PARD3: variants seen among roughly 807,000 people sequenced by gnomAD.
The protein encoded by PARD3 is par-3 family cell polarity regulator, also known as partitioning defective 3 homolog.
PARD3 carries 75 observed loss-of-function variants against 155.4 expected under a neutral mutation model. That is an observed-to-expected ratio of 0.48 (90% CI 0.40 to 0.58). The LOEUF (loss-of-function observed/expected upper bound fraction) is 0.58, where lower values mean the gene tolerates loss of function less well. Ranked by LOEUF, PARD3 falls within the 20% of genes least tolerant of loss-of-function variation. The pLI is 0.00. For missense variants in PARD3, 1,642 were observed against 1,721.7 expected (o/e 0.95, Z 0.82); for synonymous variants, 576 against 610.5 (o/e 0.94, Z 0.83).
Position 34,111,036 on chromosome 10 carries a change from G to C in PARD3, c.*133C>G. The C allele has an allele frequency of 2.1e-6, 2 of 959,742 alleles. No homozygotes were observed. The highest frequency in any genetic ancestry group is 3.1e-6 in the Non-Finnish European group (2 of 655,218). 59.5% of individuals were successfully genotyped at this position (959,742 alleles called of 1,614,324 possible). ...GGCCTTCCATTTCTTTGCCTACACC[G>C]CTTAAAGGCACTGATACCAACAACA... is the stretch of plus-strand genomic sequence containing the variant. On this transcript the variant is annotated 3_prime_UTR_variant, in exon 25 of 25. Coordinates refer to ENST00000374788, the MANE Select transcript of PARD3 (RefSeq NM_001184785.2).
At chr10:34,711,210 T>C (rs1160003286) in intron 1 of PARD3, among the ~76,000 whole-genome samples, 1 of 151,650 alleles carries the variant, frequency 6.6e-6, no homozygotes, top group Non-Finnish European at 1.5e-5. Context: ...CTCCATGAAA[T>C]GTGCTCCAAC....
chr10:34,496,320 G>A (rs540886617), intron 3 of PARD3, among the ~76,000 whole-genome samples: 3 of 152,174 alleles, frequency 2.0e-5, no homozygotes, highest in African/African-American at 7.2e-5. Flanking sequence ...AGAGTAACTG[G>A]CAAGAATAGC....
At chr10:34,378,266 T>C (rs1035322555) in intron 9 of PARD3, among the ~76,000 whole-genome samples, 160 bp from the exon 10 acceptor site, 1 of 152,226 alleles carries the variant, frequency 6.6e-6, no homozygotes, top group African/African-American at 2.4e-5. Context: ...TTTTTCAAAA[T>C]AGACTAAATT....
At chr10:34,717,394 A>G (rs1050801227) in intron 1 of PARD3, among the ~76,000 whole-genome samples, 1 of 152,198 alleles carries the variant, frequency 6.6e-6, no homozygotes, top group African/African-American at 2.4e-5. Context: ...CTACCAACAC[A>G]TAATTAGATC....
chr10:34,516,862 T>C, intron 3 of PARD3, 117 bp downstream of exon 3: 1 of 1,028,456 alleles, frequency 9.7e-7, no homozygotes, highest in Non-Finnish European at 1.4e-6. Flanking sequence ...GGTCCTAAAC[T>C]TAATTTTTGA....
At chr10:34,308,739 G>A (rs1351687831) in intron 20 of PARD3, among the ~76,000 whole-genome samples, 3 of 152,170 alleles carry the variant, frequency 2.0e-5, no homozygotes, top group Non-Finnish European at 2.9e-5. Flanking sequence ...GTGAATTTGA[G>A]AGTCATCTGC....
chr10:34,706,466 G>A (rs2094363437), intron 1 of PARD3, among the ~76,000 whole-genome samples: 1 of 152,196 alleles, frequency 6.6e-6, no homozygotes, highest in Admixed American at 6.6e-5. Flanking sequence ...GAAGATCCAG[G>A]CCAGGCGTGG....
At chr10:34,784,590 C>A (rs1840705202) in intron 1 of PARD3, among the ~76,000 whole-genome samples, 3 of 152,192 alleles carry the variant, frequency 2.0e-5, no homozygotes, top group Admixed American at 2.0e-4. Flanking sequence ...GCACACGCCA[C>A]CATGCCAGGC....
chr10:34,304,723 A>G (rs1460137730), intron 20 of PARD3, among the ~76,000 whole-genome samples: 1 of 152,190 alleles, frequency 6.6e-6, no homozygotes, highest in African/African-American at 2.4e-5. Flanking sequence ...TTCATTCATA[A>G]AACAGGGCTA....
intron 5 of PARD3, among the ~76,000 whole-genome samples, chr10:34,413,856 A>G (rs1434178483): frequency 1.3e-5 from 2 of 152,248 alleles, no homozygotes; most frequent in Non-Finnish European, 2.9e-5. Flanking sequence ...TAAAAGAATC[A>G]TTAAACCATG....
chr10:34,326,370 GT>G (rs1230072575), intron 19 of PARD3, among the ~76,000 whole-genome samples: 1 of 151,946 alleles, frequency 6.6e-6, no homozygotes, highest in African/African-American at 2.4e-5. Flanking sequence ...ATAAAATGAT[GT>G]GATAGGTTAT....
At chr10:34,725,844 C>T (rs901691105) in intron 1 of PARD3, among the ~76,000 whole-genome samples, 1 of 152,220 alleles carries the variant, frequency 6.6e-6, no homozygotes, top group Non-Finnish European at 1.5e-5. Context: ...AGATACTTTA[C>T]TACACCTAAA....
intron 3 of PARD3, 132 bp downstream of exon 3, chr10:34,516,847 G>A: frequency 1.3e-6 from 1 of 787,776 alleles, no homozygotes; most frequent in Non-Finnish European, 2.0e-6. Context: ...AAGAACATTT[G>A]CCTGGGTCCT....
chr10:34,461,478 C>T (rs1002510044), intron 4 of PARD3, among the ~76,000 whole-genome samples: 6 of 151,850 alleles, frequency 4.0e-5, no homozygotes, highest in Non-Finnish European at 2.9e-5. Flanking sequence ...TGGTAGTGGG[C>T]GCCTGTAATC....
At chr10:34,657,225 C>A (rs552100208) in intron 2 of PARD3, among the ~76,000 whole-genome samples, 1 of 151,662 alleles carries the variant, frequency 6.6e-6, no homozygotes. Context: ...GAGATCCCAC[C>A]TCTACCAAAA....
intron 15 of PARD3, chr10:34,343,629 G>C: frequency 1.0e-6 from 1 of 985,220 alleles, no homozygotes; most frequent in Non-Finnish European, 1.2e-6. Flanking sequence ...ATTATACCAG[G>C]GTAATGGACA....
intron 4 of PARD3, among the ~76,000 whole-genome samples, chr10:34,461,455 A>T (rs1235341487): frequency 6.6e-6 from 1 of 151,930 alleles, no homozygotes; most frequent in Non-Finnish European, 1.5e-5. Context: ...AAATACAAAA[A>T]ATTAGCCGGG....
chr10:34,250,801 T>C (rs1293465659), intron 22 of PARD3, among the ~76,000 whole-genome samples: 1 of 152,190 alleles, frequency 6.6e-6, no homozygotes, highest in Non-Finnish European at 1.5e-5. Flanking sequence ...ATAATACTAA[T>C]ATTATGCAAT....
At chr10:34,381,949 A>G (rs1294584495) in intron 9 of PARD3, among the ~76,000 whole-genome samples, 1 of 150,592 alleles carries the variant, frequency 6.6e-6, no homozygotes, top group Non-Finnish European at 1.5e-5. Flanking sequence ...AAAGAAAGAA[A>G]AAGAAAAGAG....
Sources: allele counts gnomAD v4.1 joint callset (sites outside exome capture counted in the v4.1 genomes callset), GRCh38; gene constraint gnomAD v4.1.1; transcripts MANE v1.5; gene names NCBI Gene and HGNC (gene_info 2026-07-23, HGNC 2026-07-21).